LARS2: variants seen among roughly 807,000 people sequenced by gnomAD.
The protein encoded by LARS2 is leucyl-tRNA synthetase 2, mitochondrial.
Under a neutral mutation model 116.6 loss-of-function variants are expected in LARS2, and 81 were observed. That is an observed-to-expected ratio of 0.69 (90% CI 0.58 to 0.84). The LOEUF (loss-of-function observed/expected upper bound fraction) is 0.84. Among genes scored for constraint, LARS2 ranks in the 40% least tolerant of loss-of-function variants. The pLI, the probability that LARS2 is intolerant of heterozygous loss-of-function variation, is 0.00. For missense variants in LARS2, 968 were observed against 1,114.5 expected (o/e 0.87, Z 1.87); for synonymous variants, 396 against 407.2 (o/e 0.97, Z 0.33).
At position 45,415,894 on chromosome 3, in the gene LARS2, G is replaced by T. The variant is rs1434228296; in HGVS notation, c.364-1588G>T. Among the ~76,000 whole-genome samples the T allele has an allele frequency of 4.2e-3, 236 of 56,424 alleles. 2 individuals carry two copies. The highest frequency in any genetic ancestry group is 0.018 in the African/African-American group (212 of 11,464). 37.0% of individuals were successfully genotyped at this position (56,424 alleles called of 152,430 possible). Reference sequence around the variant, plus strand: ...ATATATATAGAGAGAGAGAGAGAGGGAGAGAGAGAGAGAGAGAGAGAGAGA... The same window carrying T: ...ATATATATAGAGAGAGAGAGAGAGGTAGAGAGAGAGAGAGAGAGAGAGAGA... On this transcript the variant is annotated intron_variant, in intron 4 of 21. Coordinates refer to ENST00000645846, the MANE Select transcript of LARS2 (RefSeq NM_015340.4).
chr3:45,482,356 C>T (rs1699716879), intron 10 of LARS2, among the ~76,000 whole-genome samples: 1 of 152,024 alleles, frequency 6.6e-6, no homozygotes, highest in African/African-American at 2.4e-5. Flanking sequence ...ATAGAATTTT[C>T]CTTAGGAGAT....
intron 7 of LARS2, among the ~76,000 whole-genome samples, chr3:45,455,712 A>C (rs1411073405): frequency 6.6e-6 from 1 of 152,130 alleles, no homozygotes; most frequent in Non-Finnish European, 1.5e-5. Flanking sequence ...CTGCAGTACT[A>C]TTCACAGTAG....
chr3:45,513,726 C>T (rs1434953084), intron 16 of LARS2, among the ~76,000 whole-genome samples: 1 of 152,124 alleles, frequency 6.6e-6, no homozygotes. Flanking sequence ...AACACCTCCC[C>T]CTGATTCCCC....
chr3:45,512,534 C>T (rs766326257), intron 15 of LARS2, among the ~76,000 whole-genome samples: 2 of 152,156 alleles, frequency 1.3e-5, no homozygotes, highest in African/African-American at 2.4e-5. Context: ...TATTTCAGAA[C>T]ACTAGGTAAC....
At chr3:45,449,667 T>C (rs185132895) in intron 7 of LARS2, among the ~76,000 whole-genome samples, 1 of 152,344 alleles carries the variant, frequency 6.6e-6, no homozygotes, top group East Asian at 1.9e-4. Flanking sequence ...TTTTATTGGA[T>C]AGCTATTTTC....
At chr3:45,546,200 G>A (rs1207146725) in intron 21 of LARS2, among the ~76,000 whole-genome samples, 1 of 152,162 alleles carries the variant, frequency 6.6e-6, no homozygotes, top group Non-Finnish European at 1.5e-5. Context: ...TTCACTAGGG[G>A]CATGGCTCTT....
At chr3:45,420,059 C>G (rs1303790426) in intron 6 of LARS2, among the ~76,000 whole-genome samples, 1 of 152,244 alleles carries the variant, frequency 6.6e-6, no homozygotes, top group South Asian at 2.1e-4. Context: ...GATTAAATAT[C>G]AATCCATCTG....
At chr3:45,401,997 C>T (rs1698162606) in intron 4 of LARS2, among the ~76,000 whole-genome samples, 1 of 152,146 alleles carries the variant, frequency 6.6e-6, no homozygotes, top group Admixed American at 6.5e-5. Context: ...TCTTCTTTAT[C>T]CACCTACGAA....
Position 45,476,446 on chromosome 3 carries a change from C to T in LARS2, c.859-22C>T, listed in dbSNP as rs1248648283. On this transcript the variant is annotated intron_variant, in intron 9 of 21. Transcript: ENST00000645846. ...CAAAGGGAGGACTGAGAAATGACAT[C>T]ACTCTTCTTTCCTATCACCAGGTTC... is the stretch of plus-strand genomic sequence containing the variant. 5.6e-6 allele frequency: 9 copies of T among 1,613,556 alleles called. No individual in the cohort carries two copies. In the Admixed American group the frequency reaches 1.5e-4, roughly 27 times the overall value.
chr3:45,474,429 A>C (rs1440296993), intron 9 of LARS2, 79 bp downstream of exon 9: 1 of 845,992 alleles, frequency 1.2e-6, no homozygotes, highest in African/African-American at 1.6e-5. Flanking sequence ...TAAACCAGCA[A>C]CTTGGGACTC....
At chr3:45,425,858 A>G (rs1337357554) in intron 6 of LARS2, among the ~76,000 whole-genome samples, 1 of 150,786 alleles carries the variant, frequency 6.6e-6, no homozygotes, top group African/African-American at 2.4e-5. Flanking sequence ...GCATCACGGA[A>G]TCTCAGTTTG....
chr3:45,540,590 G>A (rs1486876846), intron 20 of LARS2, among the ~76,000 whole-genome samples: 1 of 152,200 alleles, frequency 6.6e-6, no homozygotes, highest in Admixed American at 6.5e-5. Flanking sequence ...GGTGAGGACT[G>A]CAGCTGCCAG....
chr3:45,464,985 TC>T lies in LARS2; in HGVS notation c.750+6101del, dbSNP rs541189638. 9.9e-5 allele frequency among the ~76,000 whole-genome samples: 15 copies of T among 152,116 alleles called. No individual in the cohort carries two copies. The South Asian group carries it at 2.9e-3, about 30-fold the overall frequency. On this transcript the variant is annotated intron_variant, in intron 8 of 21. Transcript: ENST00000645846. ...ACAGGGCTGAGGGTGGCTTTATCCC[TC>T]CTCACTTTAAAAATGATTAGATACT...
At chr3:45,540,746 G>GTCTGTCTATCTA (rs763247398) in intron 20 of LARS2, among the ~76,000 whole-genome samples, 78 of 149,222 alleles carry the variant, frequency 5.2e-4, no homozygotes, top group African/African-American at 6.7e-4. Context: ...GTATCTATCT[G>GTCTGTCTATCTA]TCTATCTATC....
chr3:45,530,726 C>T (rs1700602969), intron 20 of LARS2, among the ~76,000 whole-genome samples: 1 of 152,120 alleles, frequency 6.6e-6, no homozygotes, highest in South Asian at 2.1e-4. Context: ...TTCCATCTTC[C>T]ACTCTAGGAT....
At chr3:45,484,449 G>A (rs1699758220) in intron 10 of LARS2, among the ~76,000 whole-genome samples, 1 of 149,194 alleles carries the variant, frequency 6.7e-6, no homozygotes, top group Admixed American at 6.7e-5. Flanking sequence ...TGTTACAGTA[G>A]TTGTAATACA....
chr3:45,516,849 C>T (rs2125753611), intron 17 of LARS2, among the ~76,000 whole-genome samples: 1 of 152,228 alleles, frequency 6.6e-6, no homozygotes, highest in Admixed American at 6.5e-5. Flanking sequence ...ATTTGTCTCT[C>T]CAGAGTTGTT....
At chr3:45,539,949 A>C (rs2125770435) in intron 20 of LARS2, among the ~76,000 whole-genome samples, 1 of 152,330 alleles carries the variant, frequency 6.6e-6, no homozygotes, top group East Asian at 1.9e-4. Context: ...TAAATACATT[A>C]AATTACTATA....
intron 3 of LARS2, among the ~76,000 whole-genome samples, chr3:45,397,944 C>T (rs998198717): frequency 5.9e-5 from 9 of 152,218 alleles, no homozygotes; most frequent in African/African-American, 1.9e-4. Flanking sequence ...CTCAGGTCCT[C>T]TCTCAGATTT....
Sources: allele counts gnomAD v4.1 joint callset (sites outside exome capture counted in the v4.1 genomes callset), GRCh38; gene constraint gnomAD v4.1.1; transcripts MANE v1.5; gene names NCBI Gene and HGNC (gene_info 2026-07-23, HGNC 2026-07-21).